Variants in IL1RAPL1 observed in about 807,000 individuals in gnomAD.
The protein encoded by IL1RAPL1 is interleukin 1 receptor accessory protein like 1, also known as interleukin-1 receptor accessory protein-like 1.
A neutral mutation model predicts 48.4 loss-of-function variants in IL1RAPL1; 3 were observed. That is an observed-to-expected ratio of 0.06 (90% CI 0.03 to 0.16). The LOEUF (loss-of-function observed/expected upper bound fraction) is 0.16, where lower values mean the gene tolerates loss of function less well. Among genes scored for constraint, IL1RAPL1 ranks in the 10% least tolerant of loss-of-function variants. The probability of loss-of-function intolerance (pLI) is 1.00; values close to 1 mark genes in which losing one functional copy is unlikely to be tolerated. For missense variants in IL1RAPL1, 349 were observed against 530.6 expected (o/e 0.66, Z 3.36); for synonymous variants, 185 against 187.7 (o/e 0.99, Z 0.12).
chrX:28,850,716 T>A (rs993618025), intron 2 of IL1RAPL1, among the ~76,000 whole-genome samples: 8 of 110,668 alleles, frequency 7.2e-5, no homozygotes, highest in African/African-American at 2.6e-4. Context: ...GAACCTGGAT[T>A]ACCACATGCA....
chrX:29,864,083 C>A (rs1601856823), intron 6 of IL1RAPL1, among the ~76,000 whole-genome samples: 2 of 112,558 alleles, frequency 1.8e-5, no homozygotes, highest in East Asian at 5.6e-4. Context: ...CCGTGCCCAG[C>A]TGCACATACA....
chrX:29,258,871 G>A (rs1051363904), intron 2 of IL1RAPL1, among the ~76,000 whole-genome samples: 2 of 111,521 alleles, frequency 1.8e-5, no homozygotes, highest in Admixed American at 1.9e-4. Context: ...TTCAAATGCT[G>A]TCTTTTAAGC....
chrX:29,619,380 C>CT (rs1417700488), intron 5 of IL1RAPL1, among the ~76,000 whole-genome samples: 9 of 111,885 alleles, frequency 8.0e-5, no homozygotes, highest in Middle Eastern at 4.6e-3. Flanking sequence ...TACTAGGATG[C>CT]TTTTGATAAT....
chrX:29,943,312 CCAAG>C (rs1373445988), intron 9 of IL1RAPL1, among the ~76,000 whole-genome samples: 1 of 111,831 alleles, frequency 8.9e-6, no homozygotes, highest in Non-Finnish European at 1.9e-5. Flanking sequence ...TGAATGAGCA[CCAAG>C]CATAGTGCTA....
At chrX:29,180,447 G>A (rs779650691) in intron 2 of IL1RAPL1, among the ~76,000 whole-genome samples, 254 of 109,652 alleles carry the variant, frequency 2.3e-3, no homozygotes, top group African/African-American at 8.1e-3. Context: ...TGCTGTCTTG[G>A]CTAACTGCAA....
At chrX:28,948,938 T>C (rs1054774627) in intron 2 of IL1RAPL1, among the ~76,000 whole-genome samples, 1 of 111,625 alleles carries the variant, frequency 9.0e-6, no homozygotes, top group Non-Finnish European at 1.9e-5. Flanking sequence ...AAAGTTATTT[T>C]CCTTCTGAAA....
At chrX:28,927,614 C>CA (rs1555941493) in intron 2 of IL1RAPL1, among the ~76,000 whole-genome samples, 2 of 103,211 alleles carry the variant, frequency 1.9e-5, no homozygotes, top group Non-Finnish European at 4.0e-5. Context: ...CCTTTCCTTC[C>CA]TTTTTTTTTT....
intron 6 of IL1RAPL1, among the ~76,000 whole-genome samples, chrX:29,734,422 C>T (rs1927996225): frequency 8.9e-6 from 1 of 111,876 alleles, no homozygotes; most frequent in South Asian, 3.7e-4. Flanking sequence ...ATAATGTCAC[C>T]GTAGTCACTA....
intron 6 of IL1RAPL1, among the ~76,000 whole-genome samples, chrX:29,714,977 A>G (rs1927444048): frequency 8.9e-6 from 1 of 111,926 alleles, no homozygotes; most frequent in Admixed American, 9.5e-5. Flanking sequence ...TGTCTATCCA[A>G]ACAGGTATCA....
intron 6 of IL1RAPL1, among the ~76,000 whole-genome samples, chrX:29,860,992 TG>T (rs1482670136): frequency 1.8e-5 from 2 of 112,186 alleles, no homozygotes; most frequent in Non-Finnish European, 3.8e-5. Flanking sequence ...TAATGAACTG[TG>T]GTTAAAGATT....
At chrX:28,761,564 G>A (rs933708612) in intron 1 of IL1RAPL1, among the ~76,000 whole-genome samples, 1 of 111,141 alleles carries the variant, frequency 9.0e-6, no homozygotes, top group African/African-American at 3.3e-5. Context: ...CATAAAGATG[G>A]GAACAGTAGG....
intron 2 of IL1RAPL1, among the ~76,000 whole-genome samples, chrX:29,216,634 G>A (rs141058444): frequency 5.0e-4 from 56 of 111,596 alleles, no homozygotes; most frequent in African/African-American, 1.6e-3. Context: ...ACAAAAGTTC[G>A]CTGAGCTAAC....
At chrX:29,444,511 A>C (rs762108996) in intron 5 of IL1RAPL1, among the ~76,000 whole-genome samples, 6 of 110,165 alleles carry the variant, frequency 5.4e-5, no homozygotes, top group Non-Finnish European at 9.5e-5. Context: ...GAATCAGACC[A>C]TCCTGGACAA....
chrX:28,899,276 A>G (rs774247155), intron 2 of IL1RAPL1, among the ~76,000 whole-genome samples: 17 of 111,476 alleles, frequency 1.5e-4, no homozygotes, highest in Non-Finnish European at 2.4e-4. Context: ...TTATAATTCA[A>G]GATGATATTT....
intron 2 of IL1RAPL1, among the ~76,000 whole-genome samples, chrX:28,940,249 CATAAAG>C (rs1232910290): frequency 9.0e-6 from 1 of 110,715 alleles, no homozygotes; most frequent in African/African-American, 3.3e-5. Context: ...GTACTATTCT[CATAAAG>C]GTAAAATGAG....
intron 5 of IL1RAPL1, among the ~76,000 whole-genome samples, chrX:29,416,753 T>C (rs1934222445): frequency 9.0e-6 from 1 of 111,489 alleles, no homozygotes; most frequent in Non-Finnish European, 1.9e-5. Flanking sequence ...GGATAGTTCC[T>C]GGAAAAAACA....
intron 1 of IL1RAPL1, among the ~76,000 whole-genome samples, chrX:28,605,860 C>T (rs1934077854): frequency 9.0e-6 from 1 of 111,192 alleles, no homozygotes; most frequent in Admixed American, 9.7e-5. Flanking sequence ...TGCCATAGGA[C>T]CTTTTCACTG....
At chrX:29,611,790 T>C (rs1924101082) in intron 5 of IL1RAPL1, among the ~76,000 whole-genome samples, 1 of 110,266 alleles carries the variant, frequency 9.1e-6, no homozygotes, top group Non-Finnish European at 1.9e-5. Context: ...TTTTATTGAG[T>C]GATGGAGGTG....
chrX:29,504,254 A>G (rs1935305566), intron 5 of IL1RAPL1, among the ~76,000 whole-genome samples: 1 of 111,429 alleles, frequency 9.0e-6, no homozygotes, highest in Non-Finnish European at 1.9e-5. Context: ...GGCCTAAGAG[A>G]TGGTCTACCC....
Sources: gnomAD v4.1 joint callset for allele counts (sites outside exome capture counted in the v4.1 genomes callset) on GRCh38, gnomAD v4.1.1 for gene constraint, MANE v1.5 for transcripts, NCBI Gene and HGNC (gene_info 2026-07-23, HGNC 2026-07-21) for gene names.